SLCO1B1: variants seen among roughly 807,000 people sequenced by gnomAD.
The protein encoded by SLCO1B1 is OATP-2.
In SLCO1B1, 81 loss-of-function variants were observed where a neutral mutation model predicts 70.1. The ratio of observed to expected loss-of-function variants is 1.16; its 90% CI spans 0.97 to 1.39. The LOEUF is 1.39. SLCO1B1 is among the 40% of genes most tolerant of loss of function. The pLI, the probability that SLCO1B1 is intolerant of heterozygous loss-of-function variation, is 0.00. For synonymous variants in SLCO1B1, 283 were observed against 271.5 expected, an observed-to-expected ratio of 1.04 and a Z score of -0.42; for missense variants, 895 against 799.6, an observed-to-expected ratio of 1.12 and a Z score of -1.44.
chr12:21,176,883 A>C lies in SLCO1B1; in HGVS notation c.467A>C (p.Glu156Ala). Residue 156 changes from glutamate (E) to alanine (A), a missense_variant, in exon 5 of 15, where the codon GAG (glutamate) becomes GCG (alanine). Glu to Ala is a moderately radical substitution (Grantham distance 107, BLOSUM62 -1). Coordinates refer to ENST00000256958, the MANE Select transcript of SLCO1B1 (RefSeq NM_006446.5). ...TTATCACTCAATAGAGCATCACCTG[A>C]GATAGTGGGAAAAGGTAAGAATTAA... The part of the protein sequence containing the change: ...QILSLNRASP[E>A]IVGKGCLKES... 6.4e-7 allele frequency: 1 copy of C among 1,552,296 alleles called. No homozygotes were observed. Among genetic ancestry groups the C allele is most frequent in the African/African-American group, 1.3e-5 (1 of 74,154 alleles).
chr12:21,237,148 G>A (rs907112777), intron 14 of SLCO1B1, among the ~76,000 whole-genome samples: 2 of 151,918 alleles, frequency 1.3e-5, no homozygotes, highest in African/African-American at 4.8e-5. Flanking sequence ...TAACTAAATA[G>A]TCTATATGAC....
At chr12:21,136,228 G>T (rs1167271438) in intron 1 of SLCO1B1, among the ~76,000 whole-genome samples, 1 of 149,372 alleles carries the variant, frequency 6.7e-6, no homozygotes, top group Non-Finnish European at 1.5e-5. Flanking sequence ...TTCCCTTTGT[G>T]GGTAACCCAA....
At chr12:21,189,455 A>ATT (rs34804201) in intron 7 of SLCO1B1, among the ~76,000 whole-genome samples, 1 of 149,098 alleles carries the variant, frequency 6.7e-6, no homozygotes, top group African/African-American at 2.5e-5. Flanking sequence ...TTTCAAATTA[A>ATT]TTTTTTTTTT....
At chr12:21,169,944 C>T (rs115223445) in intron 2 of SLCO1B1, among the ~76,000 whole-genome samples, 2,022 of 152,120 alleles carry the variant, frequency 0.013, 16 homozygotes, top group African/African-American at 0.023. Flanking sequence ...AGTATGTTTT[C>T]CTTTCTTTCT....
intron 2 of SLCO1B1, among the ~76,000 whole-genome samples, chr12:21,168,431 T>C (rs927955619): frequency 6.6e-6 from 1 of 152,212 alleles, no homozygotes. Flanking sequence ...GAATAATTAA[T>C]GGCTTGTATG....
At chr12:21,228,015 C>T (rs897421087) in intron 14 of SLCO1B1, among the ~76,000 whole-genome samples, 11 of 151,944 alleles carry the variant, frequency 7.2e-5, no homozygotes, top group African/African-American at 2.7e-4. Flanking sequence ...ATTTAATATG[C>T]ATATATATGC....
At chr12:21,166,057 C>T (rs1265916438) in intron 2 of SLCO1B1, among the ~76,000 whole-genome samples, 4 of 151,174 alleles carry the variant, frequency 2.6e-5, no homozygotes, top group African/African-American at 9.7e-5. Flanking sequence ...CTGTGGGACA[C>T]TATCAGGTGA....
At chr12:21,204,796 A>G (rs1184977802) in intron 10 of SLCO1B1, among the ~76,000 whole-genome samples, 1 of 151,826 alleles carries the variant, frequency 6.6e-6, no homozygotes, top group Non-Finnish European at 1.5e-5. Flanking sequence ...TAATTTATAG[A>G]CGGTACCTTC....
chr12:21,209,429 G>C (rs1177085243), intron 11 of SLCO1B1, among the ~76,000 whole-genome samples: 1 of 152,104 alleles, frequency 6.6e-6, no homozygotes, highest in Admixed American at 6.6e-5. Context: ...TGGTGTATAT[G>C]TGCCACATTT....
chr12:21,239,576 G>T lies in SLCO1B1; in HGVS notation c.*387G>T, dbSNP rs1941627869. On this transcript the variant is annotated 3_prime_UTR_variant, in exon 15 of 15. Transcript: ENST00000256958. The stretch of plus-strand genomic sequence containing the variant: ...ATTCATATCCTAAGTAAAGAGAAAT[G>T]CCTAGTGTCTATTTTATTAAACAAA... Among the ~76,000 whole-genome samples the T allele has an allele frequency of 6.6e-6, 1 of 152,138 alleles. No individual in the cohort carries two copies. The highest frequency in any genetic ancestry group is 6.6e-5 in the Admixed American group (1 of 15,264).
chr12:21,209,398 T>G (rs1941253116), intron 11 of SLCO1B1, among the ~76,000 whole-genome samples: 1 of 152,312 alleles, frequency 6.6e-6, no homozygotes, highest in East Asian at 1.9e-4. Context: ...TCATCATTTT[T>G]TATGGCTGCA....
chr12:21,206,495 G>A (rs749342595), intron 11 of SLCO1B1, among the ~76,000 whole-genome samples: 1 of 151,798 alleles, frequency 6.6e-6, no homozygotes, highest in Non-Finnish European at 1.5e-5. Context: ...TTAGCTCTGG[G>A]ATCACTACCC....
chr12:21,166,925 C>G (rs143234824), intron 2 of SLCO1B1, among the ~76,000 whole-genome samples: 1,821 of 152,074 alleles, frequency 0.012, 21 homozygotes, highest in Middle Eastern at 0.02. Context: ...GTAAAGCGAC[C>G]TTGGTACATT....
chr12:21,182,782 T>C (rs1462601342), intron 7 of SLCO1B1, among the ~76,000 whole-genome samples: 1 of 149,486 alleles, frequency 6.7e-6, no homozygotes, highest in African/African-American at 2.4e-5. Flanking sequence ...GAGCTGAGAT[T>C]GGTGCCCAGC....
chr12:21,183,367 T>C (rs1165911339), intron 7 of SLCO1B1, among the ~76,000 whole-genome samples: 1 of 152,068 alleles, frequency 6.6e-6, no homozygotes, highest in Non-Finnish European at 1.5e-5. Context: ...GGCTAATATG[T>C]GTTATTTTCT....
At chr12:21,183,765 A>AT (rs2121117131) in intron 7 of SLCO1B1, among the ~76,000 whole-genome samples, 1 of 152,312 alleles carries the variant, frequency 6.6e-6, no homozygotes, top group African/African-American at 2.4e-5. Flanking sequence ...AATGACTAAA[A>AT]TGACAGACAG....
intron 14 of SLCO1B1, among the ~76,000 whole-genome samples, chr12:21,236,334 C>T (rs1261805489): frequency 1.3e-5 from 2 of 152,168 alleles, no homozygotes; most frequent in Admixed American, 6.5e-5. Flanking sequence ...CTACCAAAGT[C>T]AGAGCAGTTT....
chr12:21,131,781 A>C (rs1940137258), intron 1 of SLCO1B1, among the ~76,000 whole-genome samples: 1 of 152,162 alleles, frequency 6.6e-6, no homozygotes, highest in Non-Finnish European at 1.5e-5. Flanking sequence ...TTTTCTAGAT[A>C]ATTTATCTCC....
rs376596782 is a variant in SLCO1B1 at position 21,174,767 on chromosome 12, A to G, written c.359+58A>G. The G allele has an allele frequency of 2.1e-4, 327 of 1,555,832 alleles. 3 individuals carry two copies. The South Asian group carries it at 3.5e-3, about 17-fold the overall frequency. On this transcript the variant is annotated intron_variant, in intron 4 of 14. Coordinates refer to ENST00000256958, the MANE Select transcript of SLCO1B1 (RefSeq NM_006446.5). ...CACTATCAGTACCTTGTAAATTAGG[A>G]GTAGAATTTTATTATTATCCCTTTA...
Sources: allele counts gnomAD v4.1 joint callset (sites outside exome capture counted in the v4.1 genomes callset), GRCh38; gene constraint gnomAD v4.1.1; transcripts MANE v1.5; gene names NCBI Gene and HGNC (gene_info 2026-07-23, HGNC 2026-07-21).